CPVL: variants seen among roughly 807,000 people sequenced by gnomAD.
CPVL encodes carboxypeptidase vitellogenic like.
Under a neutral mutation model 63.7 loss-of-function variants are expected in CPVL, and 51 were observed. The ratio of observed to expected loss-of-function variants is 0.80; its 90% CI spans 0.64 to 1.01. The LOEUF (loss-of-function observed/expected upper bound fraction) is 1.01. Ranked by LOEUF, CPVL falls within the 50% of genes least tolerant of loss-of-function variation. CPVL has a pLI of 0.00. For synonymous variants in CPVL, 195 were observed against 206.0 expected (o/e 0.95, Z 0.46); for missense variants, 530 against 573.1 (o/e 0.92, Z 0.77).
At chr7:29,183,382 C>A (rs946221423) in intron 4 of CPVL, among the ~76,000 whole-genome samples, 1 of 148,748 alleles carries the variant, frequency 6.7e-6, no homozygotes, top group Non-Finnish European at 1.5e-5. Context: ...CCGTGCCTAG[C>A]CTTTTTTTTT....
intron 1 of CPVL, chr7:29,194,455 A>T (rs939326399): frequency 6.5e-6 from 1 of 154,376 alleles, no homozygotes; most frequent in Admixed American, 6.5e-5. Flanking sequence ...GCGGAGGGAG[A>T]AGGGGGAGGT....
At chr7:29,118,368 A>C (rs893289633) in intron 2 of CPVL, among the ~76,000 whole-genome samples, 3 of 152,270 alleles carry the variant, frequency 2.0e-5, no homozygotes, top group Non-Finnish European at 4.4e-5. Context: ...CCACTTGTTA[A>C]GGAAGCTGAA....
chr7:29,091,630 C>G (rs906015927), intron 6 of CPVL, among the ~76,000 whole-genome samples: 1 of 152,102 alleles, frequency 6.6e-6, no homozygotes. Flanking sequence ...CCTGGGCATC[C>G]CCCTAGAAAC....
intron 3 of CPVL, among the ~76,000 whole-genome samples, chr7:29,109,307 T>G (rs1165877989): frequency 6.6e-6 from 1 of 152,148 alleles, no homozygotes; most frequent in Non-Finnish European, 1.5e-5. Flanking sequence ...CAAAACTAAT[T>G]TAAGAAACAG....
intron 5 of CPVL, among the ~76,000 whole-genome samples, chr7:29,171,675 GC>G (rs1190044263): frequency 6.6e-6 from 1 of 152,166 alleles, no homozygotes; most frequent in Non-Finnish European, 1.5e-5. Flanking sequence ...TCAGAGTATA[GC>G]AGTTGTTGCA....
At chr7:29,086,913 T>C (rs1038645037) in intron 6 of CPVL, among the ~76,000 whole-genome samples, 1 of 152,174 alleles carries the variant, frequency 6.6e-6, no homozygotes, top group African/African-American at 2.4e-5. Context: ...CCCGGGTTTG[T>C]GGTGAAGTAA....
chr7:29,066,060 G>GT lies in CPVL; in HGVS notation c.925dup (p.Thr309AsnfsTer4). ...AAAGTTATAGTAATTACTACATCCT[G>GT]TAACATTCTGGAAGTAAGAAGGATC... On this transcript the variant is annotated frameshift_variant, in exon 10 of 13. Coordinates refer to ENST00000265394, the MANE Select transcript of CPVL (RefSeq NM_031311.5). LOFTEE classifies it high-confidence loss of function. The GT allele has an allele frequency of 6.2e-7, 1 of 1,608,532 alleles. No homozygotes were observed. The highest frequency in any genetic ancestry group is 1.3e-5 in the African/African-American group (1 of 74,812).
chr7:29,112,831 G>A lies in CPVL; in HGVS notation c.170-9C>T, dbSNP rs764286780. 2 of 1,586,450 alleles carry A rather than the reference G, an allele frequency of 1.3e-6. No individual in the cohort carries two copies. The highest frequency in any genetic ancestry group is 2.2e-5 in the South Asian group (2 of 89,890). Reference sequence around the variant, plus strand: ...CAAACTCAATTCTCTTCCTAGTGGGGGAAAAAAAATTTACCCAAGGATTAC... The same window carrying A: ...CAAACTCAATTCTCTTCCTAGTGGGAGAAAAAAAATTTACCCAAGGATTAC... On this transcript the variant is annotated splice_polypyrimidine_tract_variant and intron_variant, in intron 2 of 12. Coordinates refer to ENST00000265394, the MANE Select transcript of CPVL (RefSeq NM_031311.5).
intron 5 of CPVL, among the ~76,000 whole-genome samples, chr7:29,177,670 TTATC>T (rs1797538717): frequency 1.3e-5 from 2 of 151,922 alleles, no homozygotes; most frequent in Non-Finnish European, 2.9e-5. Flanking sequence ...ATCTACCTAT[TTATC>T]TATCTGTCCA....
Position 29,064,164 on chromosome 7 carries a change from C to T in CPVL, c.1034G>A (p.Gly345Glu). 5 of 1,612,662 alleles carry T rather than the reference C, an allele frequency of 3.1e-6. No individual in the cohort carries two copies. Among genetic ancestry groups the T allele is most frequent in the Non-Finnish European group, 4.2e-6 (5 of 1,178,828 alleles). ...AGTTCCATCATTAAAAGTCTGATTCCCCACGTGGATGGCTTGTCTCACCTC... is the reference window on the plus strand; with the variant it reads ...AGTTCCATCATTAAAAGTCTGATTCTCCACGTGGATGGCTTGTCTCACCTC... ...LPEVRQAIHV[G>E]NQTFNDGTIV... The change falls in exon 11 of 13, where the codon GGG becomes GAG. Residue 345 changes from glycine (G) to glutamate (E), a missense_variant. By Grantham distance (98) the Gly-to-Glu change is moderately conservative. Coordinates refer to ENST00000265394, the MANE Select transcript of CPVL (RefSeq NM_031311.5).
At chr7:29,149,317 G>A (rs770999556), upstream of CPVL, among the ~76,000 whole-genome samples, 11 of 142,848 alleles carry the variant, frequency 7.7e-5, no homozygotes, top group South Asian at 2.3e-4. Flanking sequence ...TCAGCCCCCC[G>A]AGTAAGCTGG....
intron 8 of CPVL, 103 bp from the exon 9 acceptor site, chr7:29,072,007 G>A (rs1783794960): frequency 7.1e-7 from 1 of 1,412,108 alleles, no homozygotes. Context: ...TGTTAATATT[G>A]TGCTGGTTAG....
At chr7:29,101,174 C>A (rs972701471) in intron 3 of CPVL, among the ~76,000 whole-genome samples, 2 of 151,974 alleles carry the variant, frequency 1.3e-5, no homozygotes, top group African/African-American at 4.8e-5. Flanking sequence ...TACTTAAGAC[C>A]GAATGAAGAA....
At chr7:29,153,292 G>A (rs1793863965) in intron 5 of CPVL, among the ~76,000 whole-genome samples, 1 of 152,136 alleles carries the variant, frequency 6.6e-6, no homozygotes, top group Non-Finnish European at 1.5e-5. Context: ...ATAAACATCT[G>A]TTGATTTAAA....
At chr7:29,045,433 T>C (rs1270032366) in intron 11 of CPVL, among the ~76,000 whole-genome samples, 3 of 152,226 alleles carry the variant, frequency 2.0e-5, no homozygotes, top group Non-Finnish European at 2.9e-5. Context: ...TGCTTATCTA[T>C]AGACTATAGT....
chr7:29,025,463 G>A lies in CPVL; in HGVS notation c.1320+5114C>T, dbSNP rs550222453. Among the ~76,000 whole-genome samples, 50 of 152,268 alleles carry A rather than the reference G, an allele frequency of 3.3e-4. 3 individuals carry two copies. In the South Asian group the frequency reaches 1.0e-2, roughly 30 times the overall value. On this transcript the variant is annotated intron_variant, in intron 12 of 12. Transcript: ENST00000265394. ...AAACTCACTTATCACCAAGGGATTG[G>A]TGCAAAGCCATTCATGAGGAATCTT...
At chr7:29,136,770 T>G (rs910683902) in intron 1 of CPVL, among the ~76,000 whole-genome samples, 1 of 152,148 alleles carries the variant, frequency 6.6e-6, no homozygotes, top group Non-Finnish European at 1.5e-5. Context: ...AAAACTAAAC[T>G]TATTATCTCC....
chr7:29,042,124 C>T (rs538889382), intron 11 of CPVL, among the ~76,000 whole-genome samples: 4 of 151,968 alleles, frequency 2.6e-5, no homozygotes, highest in South Asian at 2.1e-4. Flanking sequence ...GAGCGGTCTG[C>T]GGTTCATGAA....
intron 11 of CPVL, among the ~76,000 whole-genome samples, chr7:29,054,069 CACAAAACAAA>C (rs767939905): frequency 1.3e-5 from 2 of 151,872 alleles, no homozygotes; most frequent in East Asian, 1.9e-4. Context: ...AAGATCCTGT[CACAAAACAAA>C]ACAAAACAAA....
Sources: allele counts gnomAD v4.1 joint callset (sites outside exome capture counted in the v4.1 genomes callset), GRCh38; gene constraint gnomAD v4.1.1; transcripts MANE v1.5; gene names NCBI Gene and HGNC (gene_info 2026-07-23, HGNC 2026-07-21).